Variants in ZNF569 observed in about 807,000 individuals in gnomAD.
ZNF569 encodes DNA-binding protein.
In ZNF569, 38 loss-of-function variants were observed where a neutral mutation model predicts 56.3. The observed-to-expected ratio is 0.68, with a 90% CI of 0.52 to 0.88. The LOEUF is 0.88. Among genes scored for constraint, ZNF569 ranks in the 40% least tolerant of loss-of-function variants. The pLI, the probability that ZNF569 is intolerant of heterozygous loss-of-function variation, is 0.00. For synonymous variants in ZNF569, 241 were observed against 262.9 expected (o/e 0.92, Z 0.81); for missense variants, 666 against 809.2 (o/e 0.82, Z 2.15).
At position 37,413,718 on chromosome 19, in the gene ZNF569, T is replaced by A. The variant is rs781378236; in HGVS notation, c.940A>T (p.Ile314Phe). 16 of 1,613,650 alleles carry A rather than the reference T, an allele frequency of 9.9e-6. No individual in the cohort carries two copies. The highest frequency in any genetic ancestry group is 8.5e-7 in the Non-Finnish European group (1 of 1,179,892). Residue 314 changes from isoleucine (I) to phenylalanine (F), a missense_variant, in exon 6 of 6, where the codon ATT becomes TTT. Transcript: ENST00000316950. ...CCAGTATGAACTTTCTGATGTGCAATGAGGCTTTGCTTCTGGCTGAATGCT... is the reference window on the plus strand; with the variant it reads ...CCAGTATGAACTTTCTGATGTGCAAAGAGGCTTTGCTTCTGGCTGAATGCT... ...GKAFSQKQSL[I>F]AHQKVHTGEK...
At chr19:37,423,062 G>A (rs1415699156) in intron 5 of ZNF569, among the ~76,000 whole-genome samples, 2 of 152,170 alleles carry the variant, frequency 1.3e-5, no homozygotes, top group African/African-American at 2.4e-5. Flanking sequence ...GAATATCAAT[G>A]TGTGGTAACT....
intron 5 of ZNF569, among the ~76,000 whole-genome samples, chr19:37,422,876 C>T (rs2041061556): frequency 6.7e-6 from 1 of 148,392 alleles, no homozygotes; most frequent in Non-Finnish European, 1.5e-5. Context: ...ACTGGGTCTA[C>T]AGGACATAGC....
intron 3 of ZNF569, among the ~76,000 whole-genome samples, chr19:37,443,616 C>T (rs928794982): frequency 2.0e-5 from 3 of 152,078 alleles, no homozygotes; most frequent in African/African-American, 7.2e-5. Context: ...CAGTGTGGCT[C>T]AATCAGCAGC....
At chr19:37,416,856 A>C (rs2040942222) in intron 5 of ZNF569, among the ~76,000 whole-genome samples, 1 of 152,260 alleles carries the variant, frequency 6.6e-6, no homozygotes, top group Non-Finnish European at 1.5e-5. Flanking sequence ...TAAAATGAAC[A>C]CACAGACTTG....
intron 2 of ZNF569, among the ~76,000 whole-genome samples, chr19:37,453,836 T>C (rs2146961638): frequency 6.6e-6 from 1 of 152,366 alleles, no homozygotes; most frequent in South Asian, 2.1e-4. Flanking sequence ...CATAGTTATC[T>C]TAAATTCCTG....
chr19:37,420,317 CATTG>C (rs2041013554), intron 5 of ZNF569, among the ~76,000 whole-genome samples: 1 of 152,016 alleles, frequency 6.6e-6, no homozygotes, highest in South Asian at 2.1e-4. Context: ...TGAAGAGTCA[CATTG>C]ATTGACTTTT....
At chr19:37,453,443 C>A (rs1330754635) in intron 2 of ZNF569, among the ~76,000 whole-genome samples, 2 of 152,166 alleles carry the variant, frequency 1.3e-5, no homozygotes, top group African/African-American at 2.4e-5. Flanking sequence ...TGTCACCCCC[C>A]ACTCCTTCAT....
intron 5 of ZNF569, among the ~76,000 whole-genome samples, chr19:37,424,186 T>G (rs1358878469): frequency 6.6e-6 from 1 of 152,184 alleles, no homozygotes; most frequent in Admixed American, 6.5e-5. Flanking sequence ...GAAGTATGAC[T>G]GTACGACATT....
intron 2 of ZNF569, among the ~76,000 whole-genome samples, chr19:37,451,430 T>C (rs528991887): frequency 1.9e-4 from 29 of 151,452 alleles, no homozygotes; most frequent in Middle Eastern, 3.4e-3. Flanking sequence ...GTTCTGTATA[T>C]GTCTCTCAGA....
upstream of ZNF569, among the ~76,000 whole-genome samples, chr19:37,468,639 G>A (rs144332255): frequency 2.6e-3 from 394 of 152,308 alleles, 1 homozygote; most frequent in African/African-American, 9.2e-3. Context: ...CTGAGTAGCT[G>A]GGACTTAAGG....
At chr19:37,415,482 A>C (rs1330765027) in intron 5 of ZNF569, among the ~76,000 whole-genome samples, 1 of 152,162 alleles carries the variant, frequency 6.6e-6, no homozygotes, top group Non-Finnish European at 1.5e-5. Context: ...ATCCAGAAGC[A>C]TTCACATTAA....
At chr19:37,445,262 C>T (rs2041473943) in intron 2 of ZNF569, among the ~76,000 whole-genome samples, 1 of 151,834 alleles carries the variant, frequency 6.6e-6, no homozygotes, top group African/African-American at 2.4e-5. Context: ...GACAAAACAC[C>T]TAAAGTATTT....
chr19:37,430,704 A>G (rs973007961), intron 3 of ZNF569, among the ~76,000 whole-genome samples: 27 of 152,326 alleles, frequency 1.8e-4, no homozygotes, highest in African/African-American at 5.8e-4. Flanking sequence ...CACCTTCATC[A>G]TAACCAAAAA....
At chr19:37,455,466 T>G (rs1600346075) in intron 2 of ZNF569, among the ~76,000 whole-genome samples, 1 of 152,328 alleles carries the variant, frequency 6.6e-6, no homozygotes, top group South Asian at 2.1e-4. Context: ...TGAAATGAGC[T>G]CTGATACAGT....
chr19:37,452,351 A>C (rs556242123), intron 2 of ZNF569, among the ~76,000 whole-genome samples: 2 of 152,316 alleles, frequency 1.3e-5, no homozygotes, highest in African/African-American at 4.8e-5. Context: ...CATTATGGTA[A>C]TGCAGTATTC....
At chr19:37,416,392 T>C (rs1478168466) in intron 5 of ZNF569, among the ~76,000 whole-genome samples, 1 of 152,090 alleles carries the variant, frequency 6.6e-6, no homozygotes, top group Non-Finnish European at 1.5e-5. Context: ...TATGAATTGA[T>C]ATTTATTTTT....
Position 37,412,895 on chromosome 19 carries a change from G to C in ZNF569, c.1763C>G (p.Ser588Cys). Residue 588 changes from serine to cysteine, a missense_variant, in exon 6 of 6, where the codon TCT (serine) becomes TGT (cysteine). Physicochemically the swap from Ser to Cys is moderately radical, Grantham distance 112. Coordinates refer to ENST00000316950, the MANE Select transcript of ZNF569 (RefSeq NM_152484.3). The part of the protein sequence containing the change: ...YVCNECGKAF[S>C]QRTSLIVHMR... ...GTGCACAATAAGGGAAGTTCTTTGA[G>C]AGAAGGCTTTCCCACATTCATTACA... 1.2e-6 allele frequency: 2 copies of C among 1,613,868 alleles called. No homozygotes were observed. The highest frequency in any genetic ancestry group is 1.7e-6 in the Non-Finnish European group (2 of 1,179,926).
At chr19:37,444,361 T>G (rs937512512) in intron 3 of ZNF569, among the ~76,000 whole-genome samples, 1 of 152,222 alleles carries the variant, frequency 6.6e-6, no homozygotes, top group Non-Finnish European at 1.5e-5. Context: ...TCCATGTTGG[T>G]TGTTGCGTGT....
intron 2 of ZNF569, among the ~76,000 whole-genome samples, chr19:37,456,975 AAAAAAC>A (rs1357857766): frequency 6.3e-5 from 9 of 143,086 alleles, no homozygotes; most frequent in African/African-American, 1.5e-4. Context: ...CTCAAAAAAA[AAAAAAC>A]AAAAAACAAA....
Sources: gnomAD v4.1 joint callset for allele counts (sites outside exome capture counted in the v4.1 genomes callset) on GRCh38, gnomAD v4.1.1 for gene constraint, MANE v1.5 for transcripts, NCBI Gene and HGNC (gene_info 2026-07-23, HGNC 2026-07-21) for gene names.